C3orf49: variants seen among roughly 807,000 people sequenced by gnomAD.
C3orf49 encodes chromosome 3 open reading frame 49.
A neutral mutation model predicts 13.3 loss-of-function variants in C3orf49; 27 were observed. The ratio of observed to expected loss-of-function variants is 2.02; its 90% CI spans 1.49 to 2.79. C3orf49 has a LOEUF of 2.79. Ranked by LOEUF, C3orf49 falls within the 30% of genes most tolerant of loss-of-function variation. The pLI, the probability that C3orf49 is intolerant of heterozygous loss-of-function variation, is 0.00. For missense variants in C3orf49, 242 were observed against 134.2 expected, an observed-to-expected ratio of 1.80 and a Z score of -3.97; for synonymous variants, 87 against 47.6, an observed-to-expected ratio of 1.83 and a Z score of -3.40.
At chr3:63,793,343 C>T in the C3orf49 span, among the ~76,000 whole-genome samples, 5 of 152,140 alleles carry the variant, frequency 3.3e-5, no homozygotes, top group Non-Finnish European at 5.9e-5. Context: ...CCGCTTATCC[C>T]ACTGATATCA....
At chr3:63,837,943 GTATT>G (rs1701668666) in intron 5 of C3orf49, 2 of 1,577,936 alleles carry the variant, frequency 1.3e-6, no homozygotes, top group African/African-American at 2.7e-5. Flanking sequence ...CAGTAATAAT[GTATT>G]TGCACATTAA....
rs1277543586 is a variant in C3orf49, at chr3:63,830,985, AT to A, written c.571-123del. On this transcript the variant is annotated intron_variant, in intron 3 of 6. Transcript: ENST00000295896. Reference sequence around the variant, plus strand: ...ATATGAATACAGTCTGCAATCCAATATTGTTATGTGGCAAATGTTCAGTTTA... The same window carrying A: ...ATATGAATACAGTCTGCAATCCAATATGTTATGTGGCAAATGTTCAGTTTA... 6.6e-6 allele frequency: 4 copies of A among 609,656 alleles called. No individual in the cohort carries two copies. In the East Asian group the frequency reaches 1.1e-4, roughly 17 times the overall value. The allele number at this position is 609,656 out of a possible 1,614,324, so 37.8% of individuals were successfully genotyped here.
At chr3:63,792,208 A>C in the C3orf49 span, among the ~76,000 whole-genome samples, 1 of 152,260 alleles carries the variant, frequency 6.6e-6, no homozygotes, top group Non-Finnish European at 1.5e-5. Flanking sequence ...CAAGTTGTGC[A>C]ACTATGAAGT....
intron 5 of C3orf49, among the ~76,000 whole-genome samples, chr3:63,832,495 C>G (rs145700378): frequency 2.6e-5 from 4 of 151,908 alleles, no homozygotes; most frequent in African/African-American, 9.7e-5. Context: ...TCTGTCACTA[C>G]GAAAAATTTT....
intron 6 of C3orf49, among the ~76,000 whole-genome samples, chr3:63,845,599 G>A (rs1182716725): frequency 6.6e-6 from 1 of 152,164 alleles, no homozygotes; most frequent in African/African-American, 2.4e-5. Context: ...GGAATTCATA[G>A]GTATGTGTGT....
At chr3:63,832,392 C>T (rs879896503) in intron 5 of C3orf49, among the ~76,000 whole-genome samples, 4 of 152,114 alleles carry the variant, frequency 2.6e-5, no homozygotes, top group Admixed American at 2.6e-4. Flanking sequence ...GGCACAGTGG[C>T]TCACATCTAT....
intron 2 of C3orf49, among the ~76,000 whole-genome samples, chr3:63,824,047 C>T (rs1023592068): frequency 3.3e-5 from 5 of 152,010 alleles, no homozygotes; most frequent in South Asian, 4.2e-4. Context: ...GTGATCCGTT[C>T]GCCTCGGCCT....
At chr3:63,807,110 C>T in the C3orf49 span, among the ~76,000 whole-genome samples, 1 of 152,028 alleles carries the variant, frequency 6.6e-6, no homozygotes, top group Non-Finnish European at 1.5e-5. Context: ...CACCACCACG[C>T]CCGGCTAATT....
At chr3:63,810,691 G>A in the C3orf49 span, among the ~76,000 whole-genome samples, 2 of 152,054 alleles carry the variant, frequency 1.3e-5, no homozygotes, top group African/African-American at 4.8e-5. Flanking sequence ...TTGATTTTAG[G>A]TTTTTCTTCA....
intron 5 of C3orf49, chr3:63,834,220 T>C (rs1559601235): frequency 6.2e-7 from 1 of 1,612,996 alleles, no homozygotes; most frequent in Non-Finnish European, 8.5e-7. Flanking sequence ...GAAGGAAACA[T>C]AAAACCTTAG....
the C3orf49 span, among the ~76,000 whole-genome samples, chr3:63,783,761 T>A: frequency 2.6e-5 from 4 of 151,654 alleles, no homozygotes; most frequent in Non-Finnish European, 5.9e-5. Context: ...ATTAATTAAT[T>A]CTGGGAAGCC....
the C3orf49 span, among the ~76,000 whole-genome samples, chr3:63,794,004 A>G: frequency 6.6e-6 from 1 of 152,100 alleles, no homozygotes; most frequent in Non-Finnish European, 1.5e-5. Flanking sequence ...AAATTTAAAA[A>G]ATTAGCCAGT....
the C3orf49 span, among the ~76,000 whole-genome samples, chr3:63,813,765 G>A: frequency 6.6e-6 from 1 of 152,152 alleles, no homozygotes; most frequent in East Asian, 1.9e-4. Context: ...TCTCTCAAAA[G>A]GGCAAAAGCT....
chr3:63,848,120 T>C (rs1701939928), intron 6 of C3orf49, among the ~76,000 whole-genome samples: 2 of 152,226 alleles, frequency 1.3e-5, no homozygotes, highest in South Asian at 4.1e-4. Flanking sequence ...ATTTCTTTGA[T>C]GTATTTAAAA....
At chr3:63,793,790 A>C in the C3orf49 span, among the ~76,000 whole-genome samples, 1 of 152,138 alleles carries the variant, frequency 6.6e-6, no homozygotes, top group Non-Finnish European at 1.5e-5. Flanking sequence ...ATGAGAGCAG[A>C]GATTTTTGTC....
the C3orf49 span, among the ~76,000 whole-genome samples, chr3:63,790,023 C>A: frequency 6.6e-6 from 1 of 152,226 alleles, no homozygotes; most frequent in Non-Finnish European, 1.5e-5. Flanking sequence ...TAGCACAAAT[C>A]CTTATGAACC....
chr3:63,843,060 T>C (rs1701801710), intron 5 of C3orf49, among the ~76,000 whole-genome samples: 1 of 152,078 alleles, frequency 6.6e-6, no homozygotes, highest in South Asian at 2.1e-4. Context: ...GTGCTGGAAT[T>C]ACAGGCATGA....
At chr3:63,814,288 A>G in the C3orf49 span, among the ~76,000 whole-genome samples, 1 of 152,104 alleles carries the variant, frequency 6.6e-6, no homozygotes, top group Admixed American at 6.5e-5. Context: ...TAAATGTGCG[A>G]GTCTTCTTAA....
chr3:63,841,151 A>G (rs1346539903), intron 5 of C3orf49, among the ~76,000 whole-genome samples: 1 of 152,226 alleles, frequency 6.6e-6, no homozygotes, highest in Non-Finnish European at 1.5e-5. Context: ...AAATGAAAAC[A>G]AAACAGGTGT....
Sources: allele counts gnomAD v4.1 joint callset (sites outside exome capture counted in the v4.1 genomes callset), GRCh38; gene constraint gnomAD v4.1.1; transcripts MANE v1.5; gene names NCBI Gene and HGNC (gene_info 2026-07-23, HGNC 2026-07-21).